RNF14: variants seen among roughly 807,000 people sequenced by gnomAD.
The protein encoded by RNF14 is E3 ubiquitin-protein ligase RNF14.
RNF14 carries 26 observed loss-of-function variants against 52.6 expected under a neutral mutation model. That is an observed-to-expected ratio of 0.49 (90% CI 0.36 to 0.69). The LOEUF (loss-of-function observed/expected upper bound fraction) is 0.69. Among genes scored for constraint, RNF14 ranks in the 30% least tolerant of loss-of-function variants. The probability of loss-of-function intolerance (pLI) is 0.00; values close to 1 mark genes in which losing one functional copy is unlikely to be tolerated. For missense variants in RNF14, 404 were observed against 560.4 expected, an observed-to-expected ratio of 0.72 and a Z score of 2.82; for synonymous variants, 194 against 202.0, an observed-to-expected ratio of 0.96 and a Z score of 0.34.
upstream of RNF14, among the ~76,000 whole-genome samples, chr5:141,968,480 G>A (rs1248544968): frequency 6.6e-6 from 1 of 152,186 alleles, no homozygotes. Flanking sequence ...CATATGGTGT[G>A]AGGAAGGAAG....
upstream of RNF14, chr5:141,955,867 T>C (rs773135353): frequency 6.2e-7 from 1 of 1,614,162 alleles, no homozygotes; most frequent in Non-Finnish European, 8.5e-7. This position sits in a 1 kb window ranked among gnomAD's most constrained non-coding sequence, Gnocchi z 5.5. Context: ...GCTGCTGGCA[T>C]TGGTGACATT....
chr5:141,965,457 G>C (rs1211138128), upstream of RNF14, among the ~76,000 whole-genome samples: 1 of 152,180 alleles, frequency 6.6e-6, no homozygotes, highest in Non-Finnish European at 1.5e-5. Flanking sequence ...CTCTTTCTCT[G>C]TCTGTGTTCT....
At chr5:141,957,673 C>G, upstream of RNF14, 1 of 1,614,194 alleles carries the variant, frequency 6.2e-7, no homozygotes, top group South Asian at 1.1e-5. The surrounding 1 kb of genome is among the most constrained non-coding windows in gnomAD (Gnocchi z 4.3). Flanking sequence ...CCCAGCTTGC[C>G]TCCGCCTCTC....
In RNF14 at chr5:141,980,220, G is replaced by C; in HGVS notation, c.932G>C (p.Arg311Pro). ...DLMADVVYCP[R>P]PCCQLPVMQE... ...ATGGCAGATGTGGTGTACTGCCCCC[G>C]GCCGTGCTGCCAGCTGCCTGTGATG... The change falls in exon 6 of 9, where the codon CGG (arginine) becomes CCG (proline). Residue 311 changes from arginine to proline, a missense_variant. Arg to Pro is a moderately radical substitution (Grantham distance 103). Transcript: ENST00000394520. The C allele has an allele frequency of 6.2e-7, 1 of 1,614,158 alleles. No homozygotes were observed. The highest frequency in any genetic ancestry group is 8.5e-7 in the Non-Finnish European group (1 of 1,180,024).
In RNF14 at chr5:141,974,922, C is replaced by G. The variant is rs1754112615; in HGVS notation, c.273C>G (p.Phe91Leu). Residue 91 changes from phenylalanine to leucine, a missense_variant, in exon 4 of 9, where the codon TTC (phenylalanine) becomes TTG (leucine). Phe to Leu is a conservative substitution (Grantham distance 22). Transcript: ENST00000394520. ...ATCCATCCTCTTCCCCACCTTCATT[C>G]ACACTTAGTGGCAAATGGCTGTCAC... ...PDYPSSSPPS[F>L]TLSGKWLSPT... 1 of 1,614,014 alleles carries G rather than the reference C, an allele frequency of 6.2e-7. No homozygotes were observed. Among genetic ancestry groups the G allele is most frequent in the Non-Finnish European group, 8.5e-7 (1 of 1,179,980 alleles).
upstream of RNF14, chr5:141,954,982 G>A (rs1264548483): frequency 6.2e-7 from 1 of 1,611,802 alleles, no homozygotes; most frequent in African/African-American, 1.3e-5. Context: ...CTGAACAGGA[G>A]GAGAATCCAC....
At chr5:141,950,922 GT>G in the RNF14 span, among the ~76,000 whole-genome samples, 1 of 152,184 alleles carries the variant, frequency 6.6e-6, no homozygotes, top group African/African-American at 2.4e-5. Context: ...GATGGGTTCT[GT>G]TTTACAGATG....
upstream of RNF14, chr5:141,968,949 C>T (rs1753466436): frequency 1.3e-5 from 2 of 152,230 alleles, no homozygotes; most frequent in South Asian, 2.1e-4. Context: ...GCACAGGGCT[C>T]GCAGTAAGTG....
upstream of RNF14, among the ~76,000 whole-genome samples, chr5:141,964,288 A>C (rs252143): frequency 0.82 from 125,358 of 152,116 alleles, 51,875 homozygotes; most frequent in East Asian, 0.98. Context: ...CCTTGAGCCA[A>C]GTATTGACTT....
At chr5:141,973,237 TTTTC>T (rs1434470198) in intron 2 of RNF14, among the ~76,000 whole-genome samples, 6 of 68,338 alleles carry the variant, frequency 8.8e-5, no homozygotes, top group Non-Finnish European at 1.2e-4. Context: ...GTGCATTTTC[TTTTC>T]TTTTTTTTTT....
At chr5:141,953,596 C>G (rs1753125217), upstream of RNF14, among the ~76,000 whole-genome samples, 1 of 152,206 alleles carries the variant, frequency 6.6e-6, no homozygotes, top group South Asian at 2.1e-4. Context: ...CAAATGGGCA[C>G]CTTTCTTTCT....
chr5:141,979,616 A>G (rs1754586836), intron 5 of RNF14, among the ~76,000 whole-genome samples: 1 of 152,198 alleles, frequency 6.6e-6, no homozygotes, highest in African/African-American at 2.4e-5. Flanking sequence ...AAATCATACA[A>G]GGCTAGCATG....
upstream of RNF14, among the ~76,000 whole-genome samples, chr5:141,966,010 G>A (rs954599421): frequency 1.3e-5 from 2 of 150,782 alleles, no homozygotes; most frequent in Non-Finnish European, 2.9e-5. Context: ...CCCAGGCGCC[G>A]TGGCTCACAT....
At chr5:141,949,537 G>GT in the RNF14 span, 1 of 1,614,178 alleles carries the variant, frequency 6.2e-7, no homozygotes, top group Non-Finnish European at 8.5e-7. Flanking sequence ...GGGTCTGTCT[G>GT]GCCTCCAGCC....
the RNF14 span, among the ~76,000 whole-genome samples, chr5:141,950,990 G>A: frequency 6.6e-6 from 1 of 152,190 alleles, no homozygotes; most frequent in Non-Finnish European, 1.5e-5. Flanking sequence ...TAGCTGGTTT[G>A]AATCAAGCTA....
rs982461092 is a variant in RNF14 at position 141,988,756 on chromosome 5, C to T, written c.*966C>T. On this transcript the variant is annotated 3_prime_UTR_variant, in exon 9 of 9. Coordinates refer to ENST00000394520, the MANE Select transcript of RNF14 (RefSeq NM_004290.5). ...TTACCACTGTATATGCATATAGTGA[C>T]AGTATAACCTGTCTATACTACAGTA... is the stretch of plus-strand genomic sequence containing the variant. 3.9e-5 allele frequency: 6 copies of T among 152,300 alleles called. No homozygotes were observed. The highest frequency in any genetic ancestry group is 8.8e-5 in the Non-Finnish European group (6 of 68,024). 9.4% of individuals were successfully genotyped at this position (152,300 alleles called of 1,614,324 possible). A position where few individuals can be genotyped will look rare whatever the true frequency, so the allele number is the denominator to read the frequency against.
upstream of RNF14, chr5:141,957,150 G>A (rs761994268): frequency 1.2e-6 from 2 of 1,614,196 alleles, no homozygotes; most frequent in Non-Finnish European, 1.7e-6. This position sits in a 1 kb window ranked among gnomAD's most constrained non-coding sequence, Gnocchi z 4.3. Flanking sequence ...TGGAGTCCAA[G>A]ACGTTGACCT....
At chr5:141,975,097 T>C in intron 4 of RNF14, 142 bp downstream of exon 4, 1 of 774,530 alleles carries the variant, frequency 1.3e-6, no homozygotes, top group Non-Finnish European at 2.1e-6. Flanking sequence ...CTTGCCTTGG[T>C]GAATCCTGAT....
upstream of RNF14, among the ~76,000 whole-genome samples, chr5:141,967,453 T>C (rs1596655806): frequency 6.6e-6 from 1 of 152,206 alleles, no homozygotes; most frequent in African/African-American, 2.4e-5. Flanking sequence ...CTATTTGTAG[T>C]CTTTTATCCT....
Sources: gnomAD v4.1 joint callset for allele counts (sites outside exome capture counted in the v4.1 genomes callset) on GRCh38, gnomAD v4.1.1 for gene constraint, Gnocchi (gnomAD v3.1) non-coding constraint, MANE v1.5 for transcripts, NCBI Gene and HGNC (gene_info 2026-07-23, HGNC 2026-07-21) for gene names.